SFI1: variants seen among roughly 807,000 people sequenced by gnomAD.
The protein encoded by SFI1 is protein SFI1 homolog.
Under a neutral mutation model 207.5 loss-of-function variants are expected in SFI1, and 195 were observed. That is an observed-to-expected ratio of 0.94 (90% CI 0.84 to 1.06). The LOEUF is 1.06. Among genes scored for constraint, SFI1 ranks in the 50% least tolerant of loss-of-function variants. SFI1 has a pLI of 0.00. For missense variants in SFI1, 1,634 were observed against 1,588.0 expected (o/e 1.03, Z -0.49); for synonymous variants, 630 against 598.9 (o/e 1.05, Z -0.76).
chr22:31,568,391 T>C (rs2062611901), intron 8 of SFI1, among the ~76,000 whole-genome samples: 1 of 150,752 alleles, frequency 6.6e-6, no homozygotes, highest in African/African-American at 2.4e-5. Flanking sequence ...TAGCCGGGCA[T>C]GGTGGTGGTG....
intron 2 of SFI1, among the ~76,000 whole-genome samples, chr22:31,509,333 A>G (rs2055146698): frequency 6.6e-6 from 1 of 152,212 alleles, no homozygotes; most frequent in South Asian, 2.1e-4. Flanking sequence ...TCCAAGTCCC[A>G]ATACCTCAAA....
chr22:31,553,563 G>C (rs1317402234), intron 6 of SFI1, among the ~76,000 whole-genome samples: 7 of 140,404 alleles, frequency 5.0e-5, no homozygotes, highest in Non-Finnish European at 7.6e-5. Context: ...AGTAGAGACA[G>C]GGTTTCACCA....
rs767293831 is a variant in SFI1 at position 31,613,623 on chromosome 22, G to T, written c.2764G>T (p.Ala922Ser). 6.3e-7 allele frequency: 1 copy of T among 1,589,428 alleles called. No individual in the cohort carries two copies. The highest frequency in any genetic ancestry group is 1.1e-5 in the South Asian group (1 of 88,690). The change falls in exon 27 of 33, where the codon GCC (alanine) becomes TCC (serine). Residue 922 changes from alanine to serine, a missense_variant. By Grantham distance (99) the Ala-to-Ser change is moderately conservative. Transcript: ENST00000400288. ...GTAGGCGGCTCACAGTCTCCATCGTGCCGTCCGCCGCTGTGCCACGCTCTG... is the reference window on the plus strand; with the variant it reads ...GTAGGCGGCTCACAGTCTCCATCGTTCCGTCCGCCGCTGTGCCACGCTCTG... ...QVQAAHSLHR[A>S]VRRCATLWKQ...
Position 31,585,054 on chromosome 22 carries a change from T to TA in SFI1, c.1347-14_1347-13insA. 2 of 1,611,100 alleles carry TA rather than the reference T, an allele frequency of 1.2e-6. No homozygotes were observed. The highest frequency in any genetic ancestry group is 1.7e-6 in the Non-Finnish European group (2 of 1,178,848). On this transcript the variant is annotated splice_polypyrimidine_tract_variant and intron_variant, in intron 13 of 32. Coordinates refer to ENST00000400288, the MANE Select transcript of SFI1 (RefSeq NM_001007467.3). ...AAAACTTGAAACCTGAAGGTGTTCT[T>TA]CCTTTTGTTTCAGAATAGCACTGCT... is the stretch of plus-strand genomic sequence containing the variant.
At chr22:31,608,651 G>T (rs914581753) in intron 22 of SFI1, among the ~76,000 whole-genome samples, 1 of 80,006 alleles carries the variant, frequency 1.2e-5, no homozygotes, top group Non-Finnish European at 2.4e-5. Flanking sequence ...GAGAAATAAA[G>T]AAAAGAAGCT....
chr22:31,577,622 T>A (rs2063667378), intron 10 of SFI1, among the ~76,000 whole-genome samples: 1 of 152,130 alleles, frequency 6.6e-6, no homozygotes, highest in South Asian at 2.1e-4. Context: ...CTCACACCTG[T>A]AATCCAAGTG....
intron 5 of SFI1, among the ~76,000 whole-genome samples, chr22:31,547,516 G>A (rs182888322): frequency 8.0e-4 from 121 of 152,136 alleles, no homozygotes; most frequent in Admixed American, 2.2e-3. Flanking sequence ...ATTTCATGTT[G>A]GCTGGGCTGG....
In SFI1 at chr22:31,613,443, C is replaced by A; in HGVS notation, c.2655C>A (p.Leu885=). 6.2e-7 allele frequency: 1 copy of A among 1,608,302 alleles called. No homozygotes were observed. The highest frequency in any genetic ancestry group is 8.5e-7 in the Non-Finnish European group (1 of 1,179,682). The change falls in exon 26 of 33, where the codon CTC becomes CTA. Residue 885 remains leucine (L), a synonymous_variant. Transcript: ENST00000400288. ...QWALQAYQGQ[L]LQEGATRLLR... ...CGCTCCAGGCCTACCAGGGGCAGCT[C>A]CTCCAGGAGGGTGCCACGCGGCTCC...
At chr22:31,501,348 T>G (rs1569149790) in intron 1 of SFI1, among the ~76,000 whole-genome samples, 1 of 151,806 alleles carries the variant, frequency 6.6e-6, no homozygotes, top group Non-Finnish European at 1.5e-5. Context: ...ATTTTTTGTA[T>G]TTTTAGTAGA....
intron 15 of SFI1, among the ~76,000 whole-genome samples, chr22:31,594,064 G>A (rs1161610225): frequency 1.3e-5 from 2 of 151,836 alleles, no homozygotes; most frequent in South Asian, 4.2e-4. Flanking sequence ...TTTCAAAACA[G>A]CCTGTTTGTA....
chr22:31,501,919 G>C (rs1483580262), intron 1 of SFI1, among the ~76,000 whole-genome samples: 1 of 152,098 alleles, frequency 6.6e-6, no homozygotes, highest in Non-Finnish European at 1.5e-5. Flanking sequence ...AAGCACATTA[G>C]CTTCATTGAC....
intron 31 of SFI1, among the ~76,000 whole-genome samples, 192 bp from the exon 32 acceptor site, chr22:31,617,923 G>GAGA (rs1311444641): frequency 6.6e-6 from 1 of 152,122 alleles, no homozygotes; most frequent in African/African-American, 2.4e-5. Flanking sequence ...GAGGGCGGAG[G>GAGA]AGACTGGGAG....
intron 18 of SFI1, among the ~76,000 whole-genome samples, 189 bp downstream of exon 18, chr22:31,604,008 A>T (rs542666104): frequency 6.6e-6 from 1 of 152,304 alleles, no homozygotes; most frequent in African/African-American, 2.4e-5. Flanking sequence ...GTTCTTTCAG[A>T]TCCTAGGCTG....
At chr22:31,504,550 T>C (rs532709664) in intron 1 of SFI1, among the ~76,000 whole-genome samples, 2 of 152,320 alleles carry the variant, frequency 1.3e-5, no homozygotes, top group South Asian at 4.1e-4. Context: ...TAAATCTTAC[T>C]CTTCTGTCTT....
chr22:31,532,839 A>G (rs537266365), intron 4 of SFI1, among the ~76,000 whole-genome samples: 2 of 152,326 alleles, frequency 1.3e-5, no homozygotes, highest in East Asian at 1.9e-4. Flanking sequence ...GCGAGGAGGT[A>G]GGAGAACAGG....
intron 12 of SFI1, among the ~76,000 whole-genome samples, chr22:31,582,236 A>ATATATATATATATAATTTTTTTT (rs1487021004): frequency 9.9e-5 from 1 of 10,140 alleles, no homozygotes. Context: ...ATATATATAT[A>ATATATATATATATAATTTTTTTT]TTTTTTTTTT....
At chr22:31,597,001 A>G (rs9609337) in intron 15 of SFI1, among the ~76,000 whole-genome samples, 2 of 1,678 alleles carry the variant, frequency 1.2e-3, no homozygotes, top group African/African-American at 2.1e-3. Flanking sequence ...TACTGAAGAC[A>G]CGCACACACG....
intron 4 of SFI1, among the ~76,000 whole-genome samples, chr22:31,536,351 G>A (rs1210887756): frequency 1.3e-5 from 2 of 152,110 alleles, no homozygotes; most frequent in Non-Finnish European, 2.9e-5. Flanking sequence ...GATGCTACTC[G>A]GGGATCCAAA....
intron 29 of SFI1, chr22:31,615,793 T>A (rs2071328780): frequency 1.3e-5 from 2 of 153,356 alleles, no homozygotes; most frequent in Admixed American, 6.5e-5. Flanking sequence ...AGTTGCTGAA[T>A]GAGGGGAAAG....
Sources: gnomAD v4.1 joint callset for allele counts (sites outside exome capture counted in the v4.1 genomes callset) on GRCh38, gnomAD v4.1.1 for gene constraint, MANE v1.5 for transcripts, NCBI Gene and HGNC (gene_info 2026-07-23, HGNC 2026-07-21) for gene names.